RALYL: variants seen among roughly 807,000 people sequenced by gnomAD.
RALYL encodes RALY RNA binding protein like.
RALYL carries 29 observed loss-of-function variants against 35.1 expected under a neutral mutation model. That is an observed-to-expected ratio of 0.83 (90% confidence interval 0.61 to 1.13). The LOEUF (loss-of-function observed/expected upper bound fraction) is 1.13, where lower values mean the gene tolerates loss of function less well. Ranked by LOEUF, RALYL falls within the 50% of genes most tolerant of loss-of-function variation. The probability of loss-of-function intolerance (pLI) is 0.00; values close to 1 mark genes in which losing one functional copy is unlikely to be tolerated. For missense variants in RALYL, 359 were observed against 360.4 expected (o/e 1.00, Z 0.03); for synonymous variants, 120 against 127.6 (o/e 0.94, Z 0.40).
intron 1 of RALYL, among the ~76,000 whole-genome samples, chr8:84,486,835 A>C (rs551152238): frequency 6.6e-6 from 1 of 152,144 alleles, no homozygotes; most frequent in Non-Finnish European, 1.5e-5. Flanking sequence ...AACACTTAAC[A>C]TAAGGTCTAC....
intron 1 of RALYL, among the ~76,000 whole-genome samples, chr8:84,353,694 GA>G (rs1029349896): frequency 2.0e-5 from 3 of 150,014 alleles, no homozygotes; most frequent in Non-Finnish European, 3.0e-5. Context: ...TCTAACTTAT[GA>G]AAAAAACATT....
chr8:84,590,534 T>C (rs1813002334), intron 2 of RALYL, among the ~76,000 whole-genome samples: 1 of 152,180 alleles, frequency 6.6e-6, no homozygotes, highest in African/African-American at 2.4e-5. Context: ...ATGAGCTCAT[T>C]CTCAGTTGAG....
At chr8:84,665,006 A>G (rs1831700818) in intron 2 of RALYL, among the ~76,000 whole-genome samples, 1 of 152,112 alleles carries the variant, frequency 6.6e-6, no homozygotes, top group South Asian at 2.1e-4. Flanking sequence ...TTCCTTCAAT[A>G]CCTAGTTTAC....
At chr8:84,314,070 G>C (rs911003158) in intron 1 of RALYL, among the ~76,000 whole-genome samples, 5 of 152,136 alleles carry the variant, frequency 3.3e-5, no homozygotes, top group African/African-American at 1.2e-4. Flanking sequence ...CATGGTGGAA[G>C]GTCAAGGGGA....
chr8:84,416,932 A>G (rs1280527813), intron 1 of RALYL, among the ~76,000 whole-genome samples: 1 of 152,172 alleles, frequency 6.6e-6, no homozygotes, highest in African/African-American at 2.4e-5. Context: ...GTCTTGGTAT[A>G]GGGAAAATAA....
rs576495813 is a variant in RALYL at position 84,799,006 on chromosome 8, T to C, written c.333-5764T>C. On this transcript the variant is annotated intron_variant, in intron 3 of 8. Coordinates refer to ENST00000521268, the MANE Select transcript of RALYL (RefSeq NM_173848.7). Reference sequence around the variant, plus strand: ...CTGATTGTGAATGAACTTTTAGTTATATTAATACTATAAATATAGTAATAA... The same window carrying C: ...CTGATTGTGAATGAACTTTTAGTTACATTAATACTATAAATATAGTAATAA... 1.7e-4 allele frequency among the ~76,000 whole-genome samples: 26 copies of C among 152,306 alleles called. No homozygotes were observed. The South Asian group carries it at 5.4e-3, about 32-fold the overall frequency.
intron 6 of RALYL, 96 bp downstream of exon 6, chr8:84,862,549 A>G (rs1838324385): frequency 1.0e-6 from 1 of 957,936 alleles, no homozygotes; most frequent in Non-Finnish European, 1.5e-6. Context: ...CCAGATAGTT[A>G]TGAAGGACCT....
chr8:84,445,428 A>C (rs1466647549), intron 1 of RALYL, among the ~76,000 whole-genome samples: 1 of 151,958 alleles, frequency 6.6e-6, no homozygotes, highest in Non-Finnish European at 1.5e-5. Flanking sequence ...TGAACAGAAG[A>C]CAACTCGTCT....
intron 1 of RALYL, among the ~76,000 whole-genome samples, chr8:84,244,416 A>G (rs942540397): frequency 6.6e-6 from 1 of 152,194 alleles, no homozygotes; most frequent in Non-Finnish European, 1.5e-5. Flanking sequence ...CCCTTTTTAC[A>G]TTTATCTGAA....
intron 1 of RALYL, among the ~76,000 whole-genome samples, chr8:84,396,496 A>T (rs778534463): frequency 2.0e-5 from 3 of 152,152 alleles, no homozygotes; most frequent in Non-Finnish European, 4.4e-5. Context: ...AACATTAAAG[A>T]ACCCTTGTTC....
rs189890702 is a variant in RALYL, at chr8:84,373,904, C to A, written c.-23-155395C>A. Among the ~76,000 whole-genome samples the A allele has an allele frequency of 3.3e-5, 5 of 151,674 alleles. No individual in the cohort carries two copies. In the East Asian group the frequency reaches 9.7e-4, roughly 29 times the overall value. Reference sequence around the variant, plus strand: ...TTTCTTCAAGCTGTGTTTTGTATTTCTCCTTTTAGGGATCTTTCACCTCCT... The same window carrying A: ...TTTCTTCAAGCTGTGTTTTGTATTTATCCTTTTAGGGATCTTTCACCTCCT... On this transcript the variant is annotated intron_variant, in intron 1 of 8. Transcript: ENST00000521268.
chr8:84,251,856 T>TC (rs1289520443), intron 1 of RALYL, among the ~76,000 whole-genome samples: 1 of 152,024 alleles, frequency 6.6e-6, no homozygotes, highest in Non-Finnish European at 1.5e-5. Context: ...TCTTTTTTTT[T>TC]CTCTAATGAT....
intron 2 of RALYL, among the ~76,000 whole-genome samples, chr8:84,722,567 C>T (rs1042604462): frequency 6.9e-6 from 1 of 144,706 alleles, no homozygotes. Flanking sequence ...GGCCAATACA[C>T]AGCTGTCAGA....
intron 1 of RALYL, among the ~76,000 whole-genome samples, chr8:84,357,407 G>T (rs1852054511): frequency 6.6e-6 from 1 of 151,892 alleles, no homozygotes; most frequent in African/African-American, 2.4e-5. Context: ...TTAAATTAAA[G>T]GTTACTCTGT....
rs1249731431 is a variant in RALYL, at chr8:84,233,464, C to T, written c.-24+49040C>T. On this transcript the variant is annotated intron_variant, in intron 1 of 8. Transcript: ENST00000521268. ...TAGACTAACTCCCACCCCAAAGCAC[C>T]TCACTCATTCCAGCTTTGGTCTGCT... Among the ~76,000 whole-genome samples, 5 of 152,164 alleles carry T rather than the reference C, an allele frequency of 3.3e-5. No homozygotes were observed. The East Asian group carries it at 9.7e-4, about 29-fold the overall frequency.
chr8:84,599,694 A>T (rs777495696), intron 2 of RALYL, among the ~76,000 whole-genome samples: 3 of 152,068 alleles, frequency 2.0e-5, no homozygotes, highest in Non-Finnish European at 4.4e-5. Flanking sequence ...TTTATCATTC[A>T]TTCTTTTCAC....
chr8:84,670,385 G>A (rs1832973319), intron 2 of RALYL, among the ~76,000 whole-genome samples: 1 of 152,120 alleles, frequency 6.6e-6, no homozygotes, highest in Admixed American at 6.6e-5. Context: ...CCTTGAGAAA[G>A]AGAAATGTCA....
intron 1 of RALYL, among the ~76,000 whole-genome samples, chr8:84,422,433 C>T (rs2045755776): frequency 7.5e-6 from 1 of 132,662 alleles, no homozygotes; most frequent in Non-Finnish European, 1.6e-5. Flanking sequence ...TTTGATTCTT[C>T]TCTCTTTTTT....
At chr8:84,310,164 T>A (rs1235141633) in intron 1 of RALYL, among the ~76,000 whole-genome samples, 1 of 151,978 alleles carries the variant, frequency 6.6e-6, no homozygotes, top group Non-Finnish European at 1.5e-5. Flanking sequence ...TGCCTCAGCC[T>A]CCCAAGTACC....
Sources: gnomAD v4.1 joint callset for allele counts (sites outside exome capture counted in the v4.1 genomes callset) on GRCh38, gnomAD v4.1.1 for gene constraint, MANE v1.5 for transcripts, NCBI Gene and HGNC (gene_info 2026-07-23, HGNC 2026-07-21) for gene names.